The following PKD1L1 variants were observed in gnomAD, a reference collection of about 807,000 sequenced individuals.
PKD1L1 encodes the protein polycystin 1 like 1, transient receptor potential channel interacting.
Under a neutral mutation model 323.4 loss-of-function variants are expected in PKD1L1, and 236 were observed. That is an observed-to-expected ratio of 0.73 (90% CI 0.66 to 0.81). The LOEUF (loss-of-function observed/expected upper bound fraction) is 0.81, where lower values mean the gene tolerates loss of function less well. PKD1L1 is among the 40% of genes least tolerant of loss of function. The pLI is 0.00. For synonymous variants in PKD1L1, 1,344 were observed against 1,335.0 expected, an observed-to-expected ratio of 1.01 and a Z score of -0.15; for missense variants, 3,320 against 3,508.0, an observed-to-expected ratio of 0.95 and a Z score of 1.35.
intron 22 of PKD1L1, among the ~76,000 whole-genome samples, chr7:47,877,137 C>T (rs1167411828): frequency 1.3e-5 from 2 of 152,008 alleles, no homozygotes; most frequent in Non-Finnish European, 2.9e-5. Context: ...AGGGAAAGGG[C>T]CAGGCTCCTC....
At chr7:47,786,595 C>T (rs1045758314) in intron 56 of PKD1L1, among the ~76,000 whole-genome samples, 2 of 152,256 alleles carry the variant, frequency 1.3e-5, no homozygotes, top group Non-Finnish European at 2.9e-5. Context: ...GCCCTGAGGT[C>T]AGGCGCTCCC....
chr7:47,939,461 T>A (rs1020799911), intron 3 of PKD1L1, among the ~76,000 whole-genome samples: 5 of 152,154 alleles, frequency 3.3e-5, no homozygotes, highest in Non-Finnish European at 7.4e-5. Flanking sequence ...CCAATGCTTA[T>A]TCTGGGTGAA....
intron 26 of PKD1L1, among the ~76,000 whole-genome samples, chr7:47,863,857 T>TA (rs1290377280): frequency 1.3e-5 from 2 of 152,090 alleles, no homozygotes; most frequent in East Asian, 3.9e-4. Context: ...CCTTGTCTCT[T>TA]AAAAAAACAC....
In PKD1L1 at chr7:47,840,199, C is replaced by A. The variant is rs551069731; in HGVS notation, c.5552+262G>T. Reference sequence around the variant, plus strand: ...AGAAGGTTTAGTGTCATAGAAAACACTGATTATGAACTTTACTAGTATGTA... The same window carrying A: ...AGAAGGTTTAGTGTCATAGAAAACAATGATTATGAACTTTACTAGTATGTA... On this transcript the variant is annotated intron_variant, in intron 35 of 56. Coordinates refer to ENST00000289672, the MANE Select transcript of PKD1L1 (RefSeq NM_138295.5). This position sits in a 1 kb window ranked among gnomAD's most constrained non-coding sequence, Gnocchi z 4.1. Among the ~76,000 whole-genome samples, 44 of 152,282 alleles carry A rather than the reference C, an allele frequency of 2.9e-4. No individual in the cohort carries two copies. The highest frequency in any genetic ancestry group is 1.1e-3 in the African/African-American group (44 of 41,562).
chr7:47,897,891 G>A (rs1332718512), intron 14 of PKD1L1, 97 bp downstream of exon 14: 9 of 953,518 alleles, frequency 9.4e-6, no homozygotes, highest in African/African-American at 1.7e-5. Flanking sequence ...TTCCTGGATC[G>A]AACAGGTGTT....
chr7:47,802,510 G>C (rs1356739271), intron 53 of PKD1L1, among the ~76,000 whole-genome samples: 3 of 152,216 alleles, frequency 2.0e-5, no homozygotes, highest in African/African-American at 7.2e-5. Context: ...CCCTGGAGCA[G>C]GAGACCTGTG....
chr7:47,957,865 AT>A, the PKD1L1 span, among the ~76,000 whole-genome samples: 96 of 136,852 alleles, frequency 7.0e-4, 4 homozygotes, highest in African/African-American at 2.7e-3. Context: ...AAAAAAAAAT[AT>A]ATATATATAT....
chr7:47,823,106 T>C (rs1040552540), intron 45 of PKD1L1, among the ~76,000 whole-genome samples: 5 of 152,218 alleles, frequency 3.3e-5, no homozygotes, highest in African/African-American at 1.2e-4. Flanking sequence ...TGATGTTCAA[T>C]AGGTGTGATC....
chr7:47,948,281 T>C, intron 1 of PKD1L1, 116 bp downstream of exon 1: 1 of 1,210,232 alleles, frequency 8.3e-7, no homozygotes, highest in Non-Finnish European at 1.2e-6. Flanking sequence ...GTACAGGGCC[T>C]CCACTCGTGC....
Position 47,947,734 on chromosome 7 carries a change from A to G in PKD1L1, c.44+663T>C, listed in dbSNP as rs140927395. Among the ~76,000 whole-genome samples the G allele has an allele frequency of 2.4e-3, 370 of 152,286 alleles. 2 individuals carry two copies. Among genetic ancestry groups the G allele is most frequent in the African/African-American group, 8.3e-3 (345 of 41,580 alleles). ...TGTAATCCCAGTACTTTGGGAGGCC[A>G]AGGCGGGCAGATCACAAGGTCAGGA... On this transcript the variant is annotated intron_variant, in intron 1 of 56. Coordinates refer to ENST00000289672, the MANE Select transcript of PKD1L1 (RefSeq NM_138295.5).
At chr7:47,881,852 A>G (rs1786560455) in intron 20 of PKD1L1, 57 bp downstream of exon 20, 2 of 1,479,728 alleles carry the variant, frequency 1.4e-6, no homozygotes, top group East Asian at 2.3e-5. Flanking sequence ...TTGAGGGCTG[A>G]TATCTAAAAG....
rs112139272 is a variant in PKD1L1 at position 47,820,303 on chromosome 7, C to T, written c.6965+773G>A. Among the ~76,000 whole-genome samples the T allele has an allele frequency of 4.8e-3, 726 of 152,248 alleles. 7 individuals are homozygous for T. Among genetic ancestry groups the T allele is most frequent in the African/African-American group, 0.016 (677 of 41,548 alleles). Reference sequence around the variant, plus strand: ...TGCTTGCCTTTGCCTGGTGGTATCACGGAAATTTTTCTGCTTTACACTTTT... The same window carrying T: ...TGCTTGCCTTTGCCTGGTGGTATCATGGAAATTTTTCTGCTTTACACTTTT... On this transcript the variant is annotated intron_variant, in intron 46 of 56. Transcript: ENST00000289672.
At chr7:47,902,280 C>G in intron 13 of PKD1L1, 99 bp downstream of exon 13, 1 of 1,465,708 alleles carries the variant, frequency 6.8e-7, no homozygotes, top group Non-Finnish European at 9.2e-7. Context: ...GACAAAGCCT[C>G]GCTTCATGCC....
At chr7:47,868,483 G>A (rs376534033) in intron 24 of PKD1L1, among the ~76,000 whole-genome samples, 1 of 152,166 alleles carries the variant, frequency 6.6e-6, no homozygotes, top group African/African-American at 2.4e-5. Flanking sequence ...TAAAGCCACA[G>A]GAAGATATGA....
At chr7:47,808,851 G>A (rs1784836041) in intron 51 of PKD1L1, among the ~76,000 whole-genome samples, 1 of 152,220 alleles carries the variant, frequency 6.6e-6, no homozygotes, top group Non-Finnish European at 1.5e-5. Flanking sequence ...TGAAGCCCTA[G>A]AGCATTACTG....
At chr7:47,797,451 G>C (rs1784568261) in intron 54 of PKD1L1, among the ~76,000 whole-genome samples, 1 of 152,200 alleles carries the variant, frequency 6.6e-6, no homozygotes, top group Non-Finnish European at 1.5e-5. Flanking sequence ...ACTCTGCAAA[G>C]ATGCTCAGGA....
upstream of PKD1L1, among the ~76,000 whole-genome samples, chr7:47,952,498 C>CA (rs1463791929): frequency 1.3e-5 from 2 of 152,208 alleles, no homozygotes; most frequent in Non-Finnish European, 1.5e-5. Flanking sequence ...CATCTTGGGA[C>CA]AAGCAGCCAA....
intron 26 of PKD1L1, among the ~76,000 whole-genome samples, chr7:47,864,588 CTTT>C (rs1786109709): frequency 2.2e-5 from 2 of 90,908 alleles, no homozygotes; most frequent in Non-Finnish European, 4.1e-5. Flanking sequence ...TTCTTTCTTT[CTTT>C]CTTTCTTTCT....
intron 54 of PKD1L1, among the ~76,000 whole-genome samples, chr7:47,798,592 C>T (rs1784593121): frequency 6.6e-6 from 1 of 151,922 alleles, no homozygotes; most frequent in African/African-American, 2.4e-5. Flanking sequence ...CCTGTCTCTA[C>T]TAAAAATACA....
Sources: allele counts gnomAD v4.1 joint callset (sites outside exome capture counted in the v4.1 genomes callset), GRCh38; gene constraint gnomAD v4.1.1; non-coding constraint Gnocchi (gnomAD v3.1); transcripts MANE v1.5; gene names NCBI Gene and HGNC (gene_info 2026-07-23, HGNC 2026-07-21).